Variants in TASP1 observed in about 807,000 individuals in gnomAD.
The protein encoded by TASP1 is threonine aspartase 1.
TASP1 carries 16 observed loss-of-function variants against 56.6 expected under a neutral mutation model. The ratio of observed to expected loss-of-function variants is 0.28; its 90% CI spans 0.19 to 0.43. The LOEUF is 0.43. Among genes scored for constraint, TASP1 ranks in the 20% least tolerant of loss-of-function variants. The pLI is 1.00. For missense variants in TASP1, 393 were observed against 511.6 expected (o/e 0.77, Z 2.24); for synonymous variants, 179 against 184.2 (o/e 0.97, Z 0.23).
the TASP1 span, among the ~76,000 whole-genome samples, chr20:13,179,412 T>C: frequency 4.1e-4 from 42 of 102,762 alleles, no homozygotes; most frequent in Non-Finnish European, 7.3e-4. Flanking sequence ...TGTGCGTGTG[T>C]GTGTGTGTGT....
At chr20:13,502,355 C>A (rs371759113) in intron 10 of TASP1, among the ~76,000 whole-genome samples, 2 of 152,118 alleles carry the variant, frequency 1.3e-5, no homozygotes, top group African/African-American at 4.8e-5. Context: ...GGCCTATAGT[C>A]ACACAATGGA....
intron 10 of TASP1, among the ~76,000 whole-genome samples, chr20:13,492,992 G>A (rs2043591899): frequency 2.0e-5 from 3 of 152,064 alleles, no homozygotes; most frequent in Admixed American, 2.0e-4. Context: ...ACATATATTA[G>A]TTTTTATCAC....
intron 11 of TASP1, among the ~76,000 whole-genome samples, chr20:13,471,725 A>G (rs2044501056): frequency 1.3e-5 from 2 of 152,322 alleles, no homozygotes; most frequent in South Asian, 4.1e-4. Flanking sequence ...CCAAACAGGA[A>G]CAGCTCTGGT....
rs397942980 is a variant in TASP1, at chr20:13,528,219, C to CAAAAA, written c.874+209_874+213dup. On this transcript the variant is annotated intron_variant, in intron 10 of 13. Coordinates refer to ENST00000337743, the MANE Select transcript of TASP1 (RefSeq NM_017714.3). The stretch of plus-strand genomic sequence containing the variant: ...ATGGGGACAGAGTGAGACTCTGACT[C>CAAAAA]AAAAAAAAAAAAAAAAAAAAAAAAA... Among the ~76,000 whole-genome samples, 489 of 54,266 alleles carry CAAAAA rather than the reference C, an allele frequency of 9.0e-3. 1 individual carries two copies. The highest frequency in any genetic ancestry group is 0.015 in the Middle Eastern group (1 of 66). 35.6% of individuals were successfully genotyped at this position (54,266 alleles called of 152,430 possible).
chr20:13,517,466 C>T (rs1674041913), intron 10 of TASP1, among the ~76,000 whole-genome samples: 1 of 152,000 alleles, frequency 6.6e-6, no homozygotes, highest in African/African-American at 2.4e-5. Flanking sequence ...GAACAAAGTA[C>T]AATACAAGCT....
intron 12 of TASP1, among the ~76,000 whole-genome samples, chr20:13,428,711 A>G (rs2042700103): frequency 1.3e-5 from 2 of 152,162 alleles, no homozygotes; most frequent in Admixed American, 1.3e-4. Context: ...ATTTGCAGAG[A>G]CTTTCCTCTG....
At chr20:13,454,716 T>C (rs1244252144) in intron 11 of TASP1, among the ~76,000 whole-genome samples, 1 of 152,148 alleles carries the variant, frequency 6.6e-6, no homozygotes, top group East Asian at 1.9e-4. Context: ...TGTCAGAGAA[T>C]TCTGGGCACA....
chr20:13,260,946 G>A, the TASP1 span, among the ~76,000 whole-genome samples: 1 of 152,172 alleles, frequency 6.6e-6, no homozygotes, highest in African/African-American at 2.4e-5. Context: ...TGGCAGGCTG[G>A]TGAATCTGGT....
chr20:13,348,125 A>G, the TASP1 span, among the ~76,000 whole-genome samples: 1 of 152,248 alleles, frequency 6.6e-6, no homozygotes, highest in Admixed American at 6.5e-5. Context: ...ACTACAAAAT[A>G]CCCTACAATG....
chr20:13,144,525 C>T, the TASP1 span, among the ~76,000 whole-genome samples: 33 of 152,288 alleles, frequency 2.2e-4, no homozygotes, highest in East Asian at 2.9e-3. Flanking sequence ...TAGAACCTAA[C>T]GCACAAATCT....
the TASP1 span, among the ~76,000 whole-genome samples, chr20:13,128,804 C>T: frequency 1.3e-5 from 2 of 151,854 alleles, no homozygotes; most frequent in Non-Finnish European, 2.9e-5. Context: ...GATTCTCCTG[C>T]CTTAGCCTCC....
intron 4 of TASP1, among the ~76,000 whole-genome samples, chr20:13,618,186 G>A (rs1244710361): frequency 6.6e-6 from 1 of 152,182 alleles, no homozygotes; most frequent in East Asian, 1.9e-4. Flanking sequence ...GAGGCGGGTG[G>A]ATCACTTGAG....
At chr20:13,176,437 C>T in the TASP1 span, among the ~76,000 whole-genome samples, 34 of 152,136 alleles carry the variant, frequency 2.2e-4, no homozygotes, top group African/African-American at 6.3e-4. Context: ...TGAATTTTAT[C>T]AAAAGCTTTT....
intron 11 of TASP1, among the ~76,000 whole-genome samples, chr20:13,449,422 G>A (rs2043533920): frequency 6.6e-6 from 1 of 152,088 alleles, no homozygotes; most frequent in Admixed American, 6.6e-5. Context: ...TACTTTGTGT[G>A]GTCAGATCCC....
chr20:13,358,132 T>C, the TASP1 span, among the ~76,000 whole-genome samples: 521 of 146,598 alleles, frequency 3.6e-3, 4 homozygotes, highest in East Asian at 8.4e-3. Flanking sequence ...CTTGCGACCC[T>C]CACTCCTGCC....
At chr20:13,562,459 AAGTT>A (rs1555789694) in intron 7 of TASP1, among the ~76,000 whole-genome samples, 6 of 152,088 alleles carry the variant, frequency 3.9e-5, no homozygotes, top group Non-Finnish European at 8.8e-5. Flanking sequence ...ATAAAACCAA[AAGTT>A]AGTTCATGGA....
the TASP1 span, among the ~76,000 whole-genome samples, chr20:13,187,185 A>C: frequency 1.3e-5 from 2 of 152,312 alleles, no homozygotes; most frequent in African/African-American, 4.8e-5. Flanking sequence ...ACTGAAATGC[A>C]AACAGAAAAA....
the TASP1 span, among the ~76,000 whole-genome samples, chr20:13,106,720 G>A: frequency 1.3e-5 from 2 of 152,196 alleles, no homozygotes; most frequent in Non-Finnish European, 2.9e-5. Context: ...CGTGCCCTAC[G>A]TGCCATTAAT....
the TASP1 span, among the ~76,000 whole-genome samples, chr20:13,310,868 T>C: frequency 6.6e-6 from 1 of 152,142 alleles, no homozygotes; most frequent in Non-Finnish European, 1.5e-5. Flanking sequence ...AATAGGATAT[T>C]ACTTCATACC....
Sources: gnomAD v4.1 joint callset for allele counts (sites outside exome capture counted in the v4.1 genomes callset) on GRCh38, gnomAD v4.1.1 for gene constraint, MANE v1.5 for transcripts, NCBI Gene and HGNC (gene_info 2026-07-23, HGNC 2026-07-21) for gene names.